Variants in NTNG1 observed in about 807,000 individuals in gnomAD.
NTNG1 encodes the protein netrin-G1.
Under a neutral mutation model 54.0 loss-of-function variants are expected in NTNG1, and 16 were observed. The observed-to-expected ratio is 0.30, with a 90% CI of 0.20 to 0.45. NTNG1 has a LOEUF of 0.45. NTNG1 is among the 20% of genes least tolerant of loss of function. The pLI, the probability that NTNG1 is intolerant of heterozygous loss-of-function variation, is 1.00. For synonymous variants in NTNG1, 255 were observed against 263.1 expected, an observed-to-expected ratio of 0.97 and a Z score of 0.30; for missense variants, 530 against 678.7, an observed-to-expected ratio of 0.78 and a Z score of 2.43.
intron 7 of NTNG1, among the ~76,000 whole-genome samples, chr1:107,467,832 T>C (rs114314779): frequency 7.2e-4 from 109 of 152,376 alleles, no homozygotes; most frequent in African/African-American, 2.4e-3. Context: ...GTAGCAAATA[T>C]ACTTTTGAAA....
intron 2 of NTNG1, among the ~76,000 whole-genome samples, chr1:107,219,876 C>T (rs1660224686): frequency 6.6e-6 from 1 of 152,132 alleles, no homozygotes; most frequent in South Asian, 2.1e-4. Context: ...GGTTAGCCTC[C>T]AACCAGGAGG....
intron 2 of NTNG1, among the ~76,000 whole-genome samples, chr1:107,233,023 T>A (rs1042355939): frequency 3.3e-5 from 5 of 152,248 alleles, no homozygotes; most frequent in African/African-American, 1.2e-4. Flanking sequence ...TCATTTTAAT[T>A]GCATTTCCTT....
intron 2 of NTNG1, among the ~76,000 whole-genome samples, chr1:107,301,291 C>T (rs1379961330): frequency 6.6e-6 from 1 of 152,128 alleles, no homozygotes; most frequent in Non-Finnish European, 1.5e-5. Flanking sequence ...ACTAACAGTT[C>T]ACAGTGGCTA....
intron 3 of NTNG1, among the ~76,000 whole-genome samples, chr1:107,364,861 T>G (rs1308959519): frequency 6.6e-6 from 1 of 152,220 alleles, no homozygotes; most frequent in Non-Finnish European, 1.5e-5. Context: ...CTATCTCATA[T>G]GCACATAATT....
At chr1:107,370,776 ATTTT>A (rs1055912765) in intron 3 of NTNG1, among the ~76,000 whole-genome samples, 1 of 152,038 alleles carries the variant, frequency 6.6e-6, no homozygotes, top group African/African-American at 2.4e-5. Flanking sequence ...TGCCTCAGCA[ATTTT>A]ATTTATTTCT....
At chr1:107,480,454 G>A (rs548507699) in intron 7 of NTNG1, among the ~76,000 whole-genome samples, 157 bp from the exon 8 acceptor site, 2 of 152,200 alleles carry the variant, frequency 1.3e-5, no homozygotes, top group South Asian at 4.1e-4. Flanking sequence ...TTTGGAAATT[G>A]GAGTCACGGG....
At chr1:107,341,932 G>A (rs1429541823) in intron 3 of NTNG1, among the ~76,000 whole-genome samples, 3 of 152,028 alleles carry the variant, frequency 2.0e-5, no homozygotes, top group Non-Finnish European at 4.4e-5. Flanking sequence ...TATGAGTTGT[G>A]AGGAAATTGG....
chr1:107,480,416 T>TA (rs1678611940), intron 7 of NTNG1, among the ~76,000 whole-genome samples, 195 bp from the exon 8 acceptor site: 1 of 151,872 alleles, frequency 6.6e-6, no homozygotes, highest in Non-Finnish European at 1.5e-5. Context: ...ACTAATATGA[T>TA]AAAAACAAAG....
chr1:107,469,785 C>T (rs1677862251), intron 7 of NTNG1, among the ~76,000 whole-genome samples: 1 of 152,174 alleles, frequency 6.6e-6, no homozygotes, highest in Non-Finnish European at 1.5e-5. Context: ...GCATCTATTC[C>T]ATGCCAGGGA....
chr1:107,374,904 C>T (rs535651227), intron 3 of NTNG1, among the ~76,000 whole-genome samples: 6 of 152,098 alleles, frequency 3.9e-5, no homozygotes, highest in South Asian at 2.1e-4. Context: ...TTTTCTGACT[C>T]GTTCACAGTA....
chr1:107,328,750 A>G (rs1668104840), intron 3 of NTNG1, among the ~76,000 whole-genome samples: 1 of 152,118 alleles, frequency 6.6e-6, no homozygotes, highest in African/African-American at 2.4e-5. Flanking sequence ...AAAATTATTT[A>G]TTATTTCTTT....
At chr1:107,313,338 G>A (rs1667134649) in intron 2 of NTNG1, among the ~76,000 whole-genome samples, 1 of 152,120 alleles carries the variant, frequency 6.6e-6, no homozygotes, top group South Asian at 2.1e-4. Context: ...AGCTTTAGGA[G>A]TGAATTATTC....
At chr1:107,386,175 T>TTTTTCTTCC (rs1671982273) in intron 3 of NTNG1, among the ~76,000 whole-genome samples, 1 of 142,660 alleles carries the variant, frequency 7.0e-6, no homozygotes, top group Non-Finnish European at 1.5e-5. Context: ...ATTTTTTTTT[T>TTTTTCTTCC]TTTCTTCCTT....
intron 2 of NTNG1, among the ~76,000 whole-genome samples, chr1:107,164,321 T>C (rs1655615604): frequency 6.6e-6 from 1 of 152,172 alleles, no homozygotes; most frequent in Non-Finnish European, 1.5e-5. Flanking sequence ...TATAACTTGA[T>C]TTTGTGCAGG....
intron 2 of NTNG1, among the ~76,000 whole-genome samples, chr1:107,169,010 A>G (rs1156362613): frequency 6.6e-6 from 1 of 152,162 alleles, no homozygotes; most frequent in African/African-American, 2.4e-5. Flanking sequence ...AACCATTGCA[A>G]ACAGTTTAAT....
intron 3 of NTNG1, among the ~76,000 whole-genome samples, chr1:107,362,806 C>A (rs1670375129): frequency 6.6e-6 from 1 of 152,178 alleles, no homozygotes; most frequent in Admixed American, 6.5e-5. Flanking sequence ...AGAATAAGGG[C>A]AGATGAAGAT....
chr1:107,245,159 A>G (rs1172407214), intron 2 of NTNG1, among the ~76,000 whole-genome samples: 1 of 152,182 alleles, frequency 6.6e-6, no homozygotes, highest in Non-Finnish European at 1.5e-5. Context: ...TATCCAGGCA[A>G]ATTCCTTTTA....
chr1:107,198,583 T>G lies in NTNG1; in HGVS notation c.246+49744T>G, dbSNP rs117456452. Among the ~76,000 whole-genome samples the G allele has an allele frequency of 3.9e-4, 59 of 152,064 alleles. No homozygotes were observed. The East Asian group carries it at 0.01, about 26-fold the overall frequency. ...TGTGTGTCTGCTTCTTTTGTTCCCCTTCGTATTTTTGTGTTTTGGGGAGAG... is the reference window on the plus strand; with the variant it reads ...TGTGTGTCTGCTTCTTTTGTTCCCCGTCGTATTTTTGTGTTTTGGGGAGAG... On this transcript the variant is annotated intron_variant, in intron 2 of 7. Coordinates refer to ENST00000370068, the MANE Select transcript of NTNG1 (RefSeq NM_001113226.3).
intron 1 of NTNG1, among the ~76,000 whole-genome samples, chr1:107,144,954 C>T (rs942907218): frequency 6.6e-6 from 1 of 151,954 alleles, no homozygotes; most frequent in Admixed American, 6.6e-5. Context: ...GCCCAGAGCT[C>T]TTATGAATCT....
Sources: allele counts gnomAD v4.1 joint callset (sites outside exome capture counted in the v4.1 genomes callset), GRCh38; gene constraint gnomAD v4.1.1; transcripts MANE v1.5; gene names NCBI Gene and HGNC (gene_info 2026-07-23, HGNC 2026-07-21).